The following CHL1 variants were observed in gnomAD, a reference collection of about 807,000 sequenced individuals.
The protein encoded by CHL1 is cell adhesion molecule L1 like.
CHL1 carries 96 observed loss-of-function variants against 141.9 expected under a neutral mutation model. That is an observed-to-expected ratio of 0.68 (90% CI 0.57 to 0.80). The LOEUF is 0.80. Ranked by LOEUF, CHL1 falls within the 30% of genes least tolerant of loss-of-function variation. CHL1 has a pLI of 0.00. For synonymous variants in CHL1, 613 were observed against 502.2 expected, an observed-to-expected ratio of 1.22 and a Z score of -2.95; for missense variants, 1,820 against 1,457.2, an observed-to-expected ratio of 1.25 and a Z score of -4.05.
chr3:294,641 C>CT (rs34090828), intron 2 of CHL1, among the ~76,000 whole-genome samples: 40,253 of 151,748 alleles, frequency 0.27, 5,583 homozygotes, highest in Middle Eastern at 0.41. Flanking sequence ...TAAAATATTC[C>CT]TTTTTTTTCC....
chr3:316,937 GC>G (rs2125019762), intron 2 of CHL1, among the ~76,000 whole-genome samples: 1 of 152,092 alleles, frequency 6.6e-6, no homozygotes, highest in East Asian at 1.9e-4. Flanking sequence ...TCTTACTGTT[GC>G]AAAATGGAAT....
chr3:391,619 G>C (rs1487020629), intron 22 of CHL1, 56 bp from the exon 23 acceptor site: 10 of 1,293,208 alleles, frequency 7.7e-6, no homozygotes, highest in Non-Finnish European at 1.1e-5. Flanking sequence ...ATATAATAAG[G>C]CTTTTTTGAA....
rs1000739444 is a variant in CHL1, at chr3:404,719, T to C, written c.3459-776T>C. 2.0e-5 allele frequency among the ~76,000 whole-genome samples: 3 copies of C among 152,108 alleles called. 1 individual carries two copies. The South Asian group carries it at 6.2e-4, about 31-fold the overall frequency. On this transcript the variant is annotated intron_variant, in intron 27 of 27. Transcript: ENST00000256509. Reference sequence around the variant, plus strand: ...AACATTTTATCAGGATATAAGAGAATCAAAAGGATCAGAAGTAAAGGCAGA... The same window carrying C: ...AACATTTTATCAGGATATAAGAGAACCAAAAGGATCAGAAGTAAAGGCAGA...
At chr3:230,435 A>G (rs1392668374) in intron 1 of CHL1, among the ~76,000 whole-genome samples, 1 of 152,182 alleles carries the variant, frequency 6.6e-6, no homozygotes, top group Non-Finnish European at 1.5e-5. Flanking sequence ...TTTTCTTTCT[A>G]GTGAAAGACT....
chr3:217,425 CAATA>C (rs1700419735), intron 1 of CHL1: 1 of 151,640 alleles, frequency 6.6e-6, no homozygotes. Flanking sequence ...GAATGTTAGC[CAATA>C]AATAAATCTT....
chr3:237,196 A>T (rs1372615471), intron 1 of CHL1, among the ~76,000 whole-genome samples: 1 of 152,164 alleles, frequency 6.6e-6, no homozygotes, highest in African/African-American at 2.4e-5. Context: ...GGTTTCCCCC[A>T]TGCTGTTCTC....
intron 19 of CHL1, chr3:384,321 AG>A (rs1575245147): frequency 6.6e-6 from 1 of 152,650 alleles, no homozygotes; most frequent in East Asian, 1.9e-4. Context: ...TCTCCTTTCT[AG>A]TAATTCTGAG....
chr3:408,254 G>C lies in CHL1; in HGVS notation c.*2543G>C, dbSNP rs1017216991. On this transcript the variant is annotated 3_prime_UTR_variant, in exon 28 of 28. Coordinates refer to ENST00000256509, the MANE Select transcript of CHL1 (RefSeq NM_006614.4). ...ATATTTAAAACTTTGTTCGTTACTG[G>C]CTTTACCCTAACTTTCTCTAGTCTA... The C allele has an allele frequency of 2.0e-4, 31 of 152,034 alleles. No homozygotes were observed. Among genetic ancestry groups the C allele is most frequent in the African/African-American group, 7.0e-4 (29 of 41,404 alleles). The allele number at this position is 152,034 out of a possible 1,614,324, so 9.4% of individuals were successfully genotyped here.
chr3:402,576 G>A (rs1007909078), intron 27 of CHL1, among the ~76,000 whole-genome samples: 2 of 152,142 alleles, frequency 1.3e-5, no homozygotes, highest in Admixed American at 6.5e-5. Flanking sequence ...TATTAAAGAA[G>A]AAATCTGATT....
At chr3:268,347 A>C (rs769339211) in intron 2 of CHL1, among the ~76,000 whole-genome samples, 3 of 152,046 alleles carry the variant, frequency 2.0e-5, no homozygotes, top group Non-Finnish European at 4.4e-5. Flanking sequence ...CAGTCTGGCT[A>C]ACATGGTGAA....
At chr3:197,872 CTTTTTTT>C (rs58240971) in intron 1 of CHL1, 8 of 358,782 alleles carry the variant, frequency 2.2e-5, no homozygotes, top group Non-Finnish European at 3.2e-5. Flanking sequence ...CTTTCTCTCG[CTTTTTTT>C]TTTTTTTTGG....
intron 5 of CHL1, among the ~76,000 whole-genome samples, chr3:333,143 T>TTTTTTTTTTTTTTTTTTTTTTTTTTG (rs1237327395): frequency 6.9e-6 from 1 of 144,756 alleles, no homozygotes. Flanking sequence ...ATTTTTTTTT[T>TTTTTTTTTTTTTTTTTTTTTTTTTTG]TTGCTGCTGC....
chr3:404,603 C>G (rs946668247), intron 27 of CHL1, among the ~76,000 whole-genome samples: 1 of 152,082 alleles, frequency 6.6e-6, no homozygotes, highest in East Asian at 1.9e-4. Context: ...CCATTTCTTT[C>G]TGTCTTAAAA....
In CHL1 at chr3:390,746, G is replaced by C; in HGVS notation, c.2516G>C (p.Ser839Thr). Residue 839 changes from serine to threonine, a missense_variant, in exon 21 of 28, where the codon AGT (serine) becomes ACT (threonine). Coordinates refer to ENST00000256509, the MANE Select transcript of CHL1 (RefSeq NM_006614.4). ...PVIHGVDVIN[S>T]TLVKVTWSTV... Reference sequence around the variant, plus strand: ...ATCCATGGGGTGGACGTTATAAACAGTACATTAGTTAAAGTTACCTGGTCA... The same window carrying C: ...ATCCATGGGGTGGACGTTATAAACACTACATTAGTTAAAGTTACCTGGTCA... 1 of 1,611,482 alleles carries C rather than the reference G, an allele frequency of 6.2e-7. No homozygotes were observed. Among genetic ancestry groups the C allele is most frequent in the Non-Finnish European group, 8.5e-7 (1 of 1,177,636 alleles).
intron 1 of CHL1, among the ~76,000 whole-genome samples, chr3:215,725 A>G (rs965524823): frequency 6.6e-6 from 1 of 152,164 alleles, no homozygotes; most frequent in Non-Finnish European, 1.5e-5. Context: ...TTGCATTACA[A>G]AGTGACATCT....
intron 3 of CHL1, among the ~76,000 whole-genome samples, chr3:320,336 G>C (rs1297199900): frequency 2.6e-5 from 4 of 151,990 alleles, no homozygotes; most frequent in Non-Finnish European, 5.9e-5. Flanking sequence ...CATTTTACAA[G>C]TAAAAGTATA....
At position 363,219 on chromosome 3, in the gene CHL1, A is replaced by G. The variant is rs1160302011; in HGVS notation, c.1421A>G (p.Gln474Arg). The G allele has an allele frequency of 1.9e-6, 3 of 1,608,072 alleles. No homozygotes were observed. Among genetic ancestry groups the G allele is most frequent in the Admixed American group, 3.4e-5 (2 of 58,236 alleles). Residue 474 changes from glutamine (Q) to arginine (R), a missense_variant and splice_region_variant, in exon 14 of 28, where the codon CAG becomes CGG. Coordinates refer to ENST00000256509, the MANE Select transcript of CHL1 (RefSeq NM_006614.4). ...ATGTACGCTTTCTTTGTCCATAGGC[A>G]GAAGGTGGAAGAAGTGAAACCCCTG... ...FASPEAVVSW[Q>R]KVEEVKPLEG...
At chr3:222,737 A>G (rs62228288) in intron 1 of CHL1, among the ~76,000 whole-genome samples, 12,177 of 152,194 alleles carry the variant, frequency 0.08, 624 homozygotes, top group African/African-American at 0.15. Context: ...GGAAGGAAAA[A>G]CAATTTTTTT....
intron 2 of CHL1, among the ~76,000 whole-genome samples, chr3:293,268 G>C (rs925661452): frequency 3.3e-5 from 5 of 152,124 alleles, no homozygotes; most frequent in African/African-American, 1.2e-4. Context: ...TTGGGAGGCC[G>C]AGGTGGATGG....
Sources: gnomAD v4.1 joint callset for allele counts (sites outside exome capture counted in the v4.1 genomes callset) on GRCh38, gnomAD v4.1.1 for gene constraint, MANE v1.5 for transcripts, NCBI Gene and HGNC (gene_info 2026-07-23, HGNC 2026-07-21) for gene names.